ROBO2: variants seen among roughly 807,000 people sequenced by gnomAD.
ROBO2 encodes the protein roundabout guidance receptor 2.
Under a neutral mutation model 160.8 loss-of-function variants are expected in ROBO2, and 53 were observed. The ratio of observed to expected loss-of-function variants is 0.33; its 90% CI spans 0.26 to 0.41. The LOEUF (loss-of-function observed/expected upper bound fraction) is 0.41, where lower values mean the gene tolerates loss of function less well. Ranked by LOEUF, ROBO2 falls within the 10% of genes least tolerant of loss-of-function variation. The pLI is 1.00. For synonymous variants in ROBO2, 664 were observed against 611.7 expected, an observed-to-expected ratio of 1.09 and a Z score of -1.26; for missense variants, 1,577 against 1,722.4, an observed-to-expected ratio of 0.92 and a Z score of 1.49.
intron 2 of ROBO2, among the ~76,000 whole-genome samples, chr3:76,178,096 A>G (rs1216600122): frequency 6.6e-6 from 1 of 152,210 alleles, no homozygotes; most frequent in Non-Finnish European, 1.5e-5. Flanking sequence ...GGAGATTTGA[A>G]GCATGATCTT....
At chr3:77,316,586 G>C (rs1414704253) in intron 2 of ROBO2, among the ~76,000 whole-genome samples, 1 of 152,088 alleles carries the variant, frequency 6.6e-6, no homozygotes, top group East Asian at 1.9e-4. Context: ...GGTTTCTTCT[G>C]TACCTCTGAA....
chr3:77,038,452 C>A (rs75762490), upstream of ROBO2, among the ~76,000 whole-genome samples: 4,767 of 152,188 alleles, frequency 0.031, 256 homozygotes, highest in African/African-American at 0.11. Context: ...AAAGAACACA[C>A]AGCGCCCATA....
At chr3:76,991,611 A>G (rs571334960) in intron 2 of ROBO2, among the ~76,000 whole-genome samples, 34 of 152,292 alleles carry the variant, frequency 2.2e-4, no homozygotes, top group African/African-American at 8.2e-4. Context: ...TTTTGAAGAG[A>G]TAATAAGTTG....
intron 2 of ROBO2, among the ~76,000 whole-genome samples, chr3:76,436,360 T>G (rs571469012): frequency 6.6e-6 from 1 of 152,196 alleles, no homozygotes; most frequent in South Asian, 2.1e-4. Context: ...CAGGTACCTG[T>G]CACCTGTCTT....
intron 2 of ROBO2, among the ~76,000 whole-genome samples, chr3:76,237,739 TAAATA>T (rs1310235455): frequency 2.0e-5 from 3 of 151,894 alleles, no homozygotes; most frequent in Non-Finnish European, 4.4e-5. Context: ...AGGAAAAAAA[TAAATA>T]AATATAAAAA....
intron 2 of ROBO2, among the ~76,000 whole-genome samples, chr3:77,272,455 C>T (rs897079762): frequency 6.6e-6 from 1 of 151,964 alleles, no homozygotes; most frequent in African/African-American, 2.4e-5. Flanking sequence ...AACCAGATTT[C>T]ATGAGGACTC....
intron 3 of ROBO2, among the ~76,000 whole-genome samples, chr3:77,480,154 C>T (rs1266622870): frequency 6.6e-6 from 1 of 152,132 alleles, no homozygotes; most frequent in African/African-American, 2.4e-5. Context: ...AGTTGTAAAT[C>T]TTGAAACATC....
At chr3:76,481,756 C>G (rs1431286075) in intron 2 of ROBO2, among the ~76,000 whole-genome samples, 1 of 152,004 alleles carries the variant, frequency 6.6e-6, no homozygotes, top group Non-Finnish European at 1.5e-5. Flanking sequence ...TTGAGAACCA[C>G]TGAGGAAGAG....
intron 2 of ROBO2, among the ~76,000 whole-genome samples, chr3:77,345,994 A>G (rs1452502904): frequency 6.6e-6 from 1 of 152,182 alleles, no homozygotes; most frequent in Non-Finnish European, 1.5e-5. Flanking sequence ...GCCGTCATAC[A>G]CTAATGTGCT....
At chr3:76,077,062 A>AT (rs770704041) in intron 2 of ROBO2, among the ~76,000 whole-genome samples, 1 of 152,202 alleles carries the variant, frequency 6.6e-6, no homozygotes, top group East Asian at 1.9e-4. Context: ...GTTTGTTTTT[A>AT]TTTTAGTTGT....
intron 2 of ROBO2, among the ~76,000 whole-genome samples, chr3:76,448,204 C>A (rs1166979115): frequency 2.6e-5 from 4 of 151,920 alleles, no homozygotes; most frequent in East Asian, 3.9e-4. Flanking sequence ...GCAGAAAATT[C>A]TCTTGTGCAT....
rs67454494 is a variant in ROBO2, at chr3:76,489,084, CAAAAAAAAAAAAAA to C, written c.109+551500_109+551513del. 5.5e-3 allele frequency among the ~76,000 whole-genome samples: 333 copies of C among 60,144 alleles called. 3 individuals are homozygous for C. Among genetic ancestry groups the C allele is most frequent in the African/African-American group, 0.015 (276 of 18,666 alleles). 39.5% of individuals were successfully genotyped at this position (60,144 alleles called of 152,430 possible). ...TGGGTGACAGAGTGAGACTCTGTCT[CAAAAAAAAAAAAAA>C]AAAAAAAAAAAAAAAAATCTGATGA... On this transcript the variant is annotated intron_variant, in intron 2 of 26. Transcript: ENST00000487694.
chr3:77,010,919 T>C (rs1004292705), intron 2 of ROBO2, among the ~76,000 whole-genome samples: 8 of 136,942 alleles, frequency 5.8e-5, no homozygotes, highest in Middle Eastern at 3.5e-3. Context: ...TCTTCCTTCC[T>C]TCCTACCCCC....
chr3:76,391,571 G>A (rs2077154964), intron 2 of ROBO2, among the ~76,000 whole-genome samples: 1 of 151,644 alleles, frequency 6.6e-6, no homozygotes, highest in African/African-American at 2.4e-5. Flanking sequence ...GCTGGAGTGT[G>A]AGTGCAGTGG....
At chr3:76,561,777 C>A (rs116236171) in intron 2 of ROBO2, among the ~76,000 whole-genome samples, 1 of 152,104 alleles carries the variant, frequency 6.6e-6, no homozygotes, top group Non-Finnish European at 1.5e-5. Context: ...CTCTTTGATG[C>A]GGTCCTTTTT....
At chr3:76,191,781 T>A (rs1702017280) in intron 2 of ROBO2, among the ~76,000 whole-genome samples, 1 of 152,140 alleles carries the variant, frequency 6.6e-6, no homozygotes, top group Non-Finnish European at 1.5e-5. Context: ...TACTTCTTTT[T>A]GTAATATTTC....
intron 12 of ROBO2, among the ~76,000 whole-genome samples, chr3:77,566,216 T>C (rs1041362615): frequency 7.9e-5 from 12 of 152,138 alleles, no homozygotes; most frequent in African/African-American, 2.9e-4. Context: ...CACGTGACTT[T>C]GTAACGTTGC....
intron 2 of ROBO2, among the ~76,000 whole-genome samples, chr3:77,420,264 T>C (rs1303187598): frequency 6.6e-6 from 1 of 152,124 alleles, no homozygotes; most frequent in Non-Finnish European, 1.5e-5. Context: ...GACTTTTTTT[T>C]TTTTAAATCA....
intron 2 of ROBO2, among the ~76,000 whole-genome samples, chr3:76,485,576 T>C (rs1267859011): frequency 2.0e-5 from 3 of 152,122 alleles, no homozygotes; most frequent in African/African-American, 7.2e-5. Flanking sequence ...CTCCATAAAA[T>C]GTGGAAAGAC....
Sources: gnomAD v4.1 joint callset for allele counts (sites outside exome capture counted in the v4.1 genomes callset) on GRCh38, gnomAD v4.1.1 for gene constraint, MANE v1.5 for transcripts, NCBI Gene and HGNC (gene_info 2026-07-23, HGNC 2026-07-21) for gene names.